The following BLTP1 variants were observed in gnomAD, a reference collection of about 807,000 sequenced individuals.
BLTP1 encodes bridge-like lipid transfer protein family member 1, also known as fragile site-associated protein.
the BLTP1 span, among the ~76,000 whole-genome samples, chr4:122,177,385 CT>C: frequency 7.9e-4 from 120 of 152,252 alleles, no homozygotes; most frequent in African/African-American, 2.7e-3. Flanking sequence ...AGTCTCCCTG[CT>C]TCTGTGCACT....
the BLTP1 span, chr4:122,170,837 C>CT: frequency 1.5e-6 from 1 of 675,976 alleles, no homozygotes; most frequent in Non-Finnish European, 2.4e-6. Flanking sequence ...AGTTGGAACA[C>CT]TAACACTACC....
At chr4:122,307,134 A>C in the BLTP1 span, among the ~76,000 whole-genome samples, 1 of 152,156 alleles carries the variant, frequency 6.6e-6, no homozygotes, top group African/African-American at 2.4e-5. Context: ...TTGTGTATAC[A>C]TAATGAGATA....
At chr4:122,274,317 A>G in the BLTP1 span, 1 of 1,197,996 alleles carries the variant, frequency 8.3e-7, no homozygotes, top group Admixed American at 1.8e-5. Flanking sequence ...CCAGAATTCA[A>G]ATAAATATTT....
chr4:122,320,654 C>A, the BLTP1 span, among the ~76,000 whole-genome samples: 3 of 152,148 alleles, frequency 2.0e-5, no homozygotes, highest in East Asian at 5.8e-4. Context: ...AATCTGTATA[C>A]TTTTAATCTA....
At chr4:122,271,738 T>G in the BLTP1 span, 1 of 1,510,258 alleles carries the variant, frequency 6.6e-7, no homozygotes, top group Non-Finnish European at 8.9e-7. Flanking sequence ...ACAGACATTT[T>G]TATGTTTTAA....
the BLTP1 span, chr4:122,325,794 A>G: frequency 5.5e-6 from 5 of 911,580 alleles, no homozygotes; most frequent in Non-Finnish European, 7.4e-6. Context: ...ATTTACTTTT[A>G]AGTCATTGTT....
the BLTP1 span, chr4:122,309,170 C>T: frequency 2.3e-4 from 342 of 1,469,306 alleles, no homozygotes; most frequent in Admixed American, 2.9e-4. Context: ...TAGGCTTGAC[C>T]GTTTCTAGAT....
chr4:122,349,128 A>G, the BLTP1 span: 27 of 1,573,814 alleles, frequency 1.7e-5, no homozygotes, highest in Non-Finnish European at 2.3e-5. The surrounding 1 kb of genome is among the most constrained non-coding windows in gnomAD (Gnocchi z 4.5). Context: ...TGGAAGCTAT[A>G]TATATAATAA....
the BLTP1 span, among the ~76,000 whole-genome samples, chr4:122,215,059 TATTC>T: frequency 3.3e-5 from 5 of 152,340 alleles, no homozygotes; most frequent in East Asian, 9.6e-4. Flanking sequence ...TTGTTGATAA[TATTC>T]AGTAACTACA....
At chr4:122,243,928 T>G in the BLTP1 span, 1 of 1,610,842 alleles carries the variant, frequency 6.2e-7, no homozygotes, top group Non-Finnish European at 8.5e-7. Flanking sequence ...GAGTGGACCC[T>G]GGATCAACCA....
At chr4:122,245,053 C>T in the BLTP1 span, 1 of 1,612,088 alleles carries the variant, frequency 6.2e-7, no homozygotes, top group Non-Finnish European at 8.5e-7. Context: ...GTGCTAGTAC[C>T]CGACATCCAG....
the BLTP1 span, chr4:122,272,487 C>T: frequency 8.2e-7 from 1 of 1,214,768 alleles, no homozygotes; most frequent in Non-Finnish European, 1.1e-6. Context: ...TGCCATGTCT[C>T]CAAAATTCCT....
At chr4:122,202,243 G>A in the BLTP1 span, among the ~76,000 whole-genome samples, 1 of 152,056 alleles carries the variant, frequency 6.6e-6, no homozygotes, top group African/African-American at 2.4e-5. Context: ...GGCAAGTTAA[G>A]CTTTTGCTAG....
the BLTP1 span, chr4:122,197,610 C>G: frequency 4.6e-6 from 1 of 217,004 alleles, no homozygotes; most frequent in Non-Finnish European, 7.9e-6. Context: ...AGTGTATTCT[C>G]AGTGCTGAAC....
At chr4:122,248,610 A>G in the BLTP1 span, among the ~76,000 whole-genome samples, 1 of 152,102 alleles carries the variant, frequency 6.6e-6, no homozygotes, top group South Asian at 2.1e-4. Context: ...ATACAAAAAA[A>G]TTAAATAATG....
At chr4:122,238,386 A>G in the BLTP1 span, 1 of 1,557,262 alleles carries the variant, frequency 6.4e-7, no homozygotes, top group South Asian at 1.1e-5. Context: ...CCTGATCATA[A>G]ATAGGATTAT....
At chr4:122,339,159 T>C in the BLTP1 span, 5 of 1,562,094 alleles carry the variant, frequency 3.2e-6, no homozygotes, top group Non-Finnish European at 4.3e-6. Context: ...ATTTAAAACT[T>C]TTCTTTTATC....
the BLTP1 span, chr4:122,229,315 A>G: frequency 1.6e-6 from 2 of 1,217,898 alleles, no homozygotes; most frequent in East Asian, 5.2e-5. Flanking sequence ...GAAATAAAAC[A>G]CACATTTATA....
At chr4:122,268,353 T>C in the BLTP1 span, among the ~76,000 whole-genome samples, 1 of 152,222 alleles carries the variant, frequency 6.6e-6, no homozygotes, top group African/African-American at 2.4e-5. Context: ...TTGTGTGCCT[T>C]GGTAAAATGT....
Sources: allele counts gnomAD v4.1 joint callset (sites outside exome capture counted in the v4.1 genomes callset), GRCh38; gene constraint gnomAD v4.1.1; non-coding constraint Gnocchi (gnomAD v3.1); transcripts MANE v1.5; gene names NCBI Gene and HGNC (gene_info 2026-07-23, HGNC 2026-07-21).